ZNF782: variants seen among roughly 807,000 people sequenced by gnomAD.
The protein encoded by ZNF782 is zinc finger protein 782.
ZNF782 carries 12 observed loss-of-function variants against 13.0 expected under a neutral mutation model. The observed-to-expected ratio is 0.92, with a 90% CI of 0.59 to 1.50. ZNF782 has a LOEUF of 1.50. Among genes scored for constraint, ZNF782 ranks in the 40% most tolerant of loss-of-function variants. The probability of loss-of-function intolerance (pLI) is 0.00; values close to 1 mark genes in which losing one functional copy is unlikely to be tolerated. For missense variants in ZNF782, 770 were observed against 822.9 expected (o/e 0.94, Z 0.79); for synonymous variants, 284 against 283.0 (o/e 1.00, Z -0.04).
At chr9:96,880,022 A>G (rs1851943681), upstream of ZNF782, among the ~76,000 whole-genome samples, 2 of 151,968 alleles carry the variant, frequency 1.3e-5, no homozygotes, top group African/African-American at 4.8e-5. Flanking sequence ...ACTATGTTGA[A>G]TAGTAGTGGG....
intron 4 of ZNF782, among the ~76,000 whole-genome samples, chr9:96,831,658 A>G (rs1850804751): frequency 6.6e-6 from 1 of 151,410 alleles, no homozygotes; most frequent in Non-Finnish European, 1.5e-5. Flanking sequence ...GGTTGCAGTG[A>G]GCTGAGATAG....
In ZNF782 at chr9:96,817,830, C is replaced by T; in HGVS notation, c.*93G>A. On this transcript the variant is annotated 3_prime_UTR_variant, in exon 6 of 6. Coordinates refer to ENST00000481138, the MANE Select transcript of ZNF782 (RefSeq NM_001001662.3). The stretch of plus-strand genomic sequence containing the variant: ...ATTGTAGAGGAAATTCCAGTGCTCA[C>T]TATGTTAACAGTTCTCTCCTGTGTG... The T allele has an allele frequency of 8.9e-6, 10 of 1,121,834 alleles. No homozygotes were observed. The highest frequency in any genetic ancestry group is 1.2e-5 in the Non-Finnish European group (10 of 800,272). The allele number at this position is 1,121,834 out of a possible 1,614,324, so 69.5% of individuals were successfully genotyped here.
At chr9:96,922,861 C>T in the ZNF782 span, among the ~76,000 whole-genome samples, 6 of 150,764 alleles carry the variant, frequency 4.0e-5, no homozygotes, top group South Asian at 1.0e-3. Flanking sequence ...CATCTTACTG[C>T]TCACCGGTAG....
the ZNF782 span, among the ~76,000 whole-genome samples, chr9:96,905,721 G>A: frequency 2.0e-5 from 3 of 152,236 alleles, no homozygotes; most frequent in Admixed American, 2.0e-4. Context: ...AAGCAGCTGG[G>A]ACTACAGACA....
the ZNF782 span, among the ~76,000 whole-genome samples, chr9:96,926,316 AT>A: frequency 4.0e-5 from 6 of 150,218 alleles, no homozygotes; most frequent in Non-Finnish European, 8.9e-5. Flanking sequence ...ATTGAAAATC[AT>A]TTAAGTTTTT....
At chr9:96,900,866 GC>G in the ZNF782 span, among the ~76,000 whole-genome samples, 1 of 142,216 alleles carries the variant, frequency 7.0e-6, no homozygotes, top group Non-Finnish European at 1.5e-5. Context: ...AGAAATGGCA[GC>G]CAGGTGTGGT....
At chr9:96,890,142 CAAG>C in the ZNF782 span, 1 of 152,278 alleles carries the variant, frequency 6.6e-6, no homozygotes, top group Non-Finnish European at 1.5e-5. Context: ...CACTTTCCTC[CAAG>C]GAGGATACAG....
At chr9:96,903,050 A>G in the ZNF782 span, 2 of 150,542 alleles carry the variant, frequency 1.3e-5, no homozygotes, top group Non-Finnish European at 2.9e-5. Flanking sequence ...GTGATCCTCC[A>G]GCCTCGGCCT....
At chr9:96,851,199 AT>A (rs1268970930) in intron 3 of ZNF782, among the ~76,000 whole-genome samples, 1 of 152,130 alleles carries the variant, frequency 6.6e-6, no homozygotes, top group Non-Finnish European at 1.5e-5. Context: ...CTAAAAAAAA[AT>A]AAAAAAAGTA....
At chr9:96,835,689 C>T (rs1185757228) in intron 4 of ZNF782, among the ~76,000 whole-genome samples, 1 of 152,086 alleles carries the variant, frequency 6.6e-6, no homozygotes, top group African/African-American at 2.4e-5. Context: ...CCTTGGGGTC[C>T]GTGTAGTGTT....
the ZNF782 span, chr9:96,929,166 G>A: frequency 1.3e-6 from 2 of 1,512,114 alleles, no homozygotes; most frequent in Non-Finnish European, 1.8e-6. Flanking sequence ...ATGTCCCCAA[G>A]GACATCACAC....
the ZNF782 span, among the ~76,000 whole-genome samples, chr9:96,911,930 C>T: frequency 6.6e-6 from 1 of 151,900 alleles, no homozygotes; most frequent in African/African-American, 2.4e-5. Context: ...GCTGGCATGG[C>T]GGCTCACGCC....
the ZNF782 span, among the ~76,000 whole-genome samples, chr9:96,918,318 G>A: frequency 1.4e-5 from 2 of 147,564 alleles, no homozygotes; most frequent in East Asian, 2.1e-4. Flanking sequence ...GCTGAGGGGG[G>A]AGAATTGCTT....
At chr9:96,888,604 C>T in the ZNF782 span, 1 of 152,280 alleles carries the variant, frequency 6.6e-6, no homozygotes, top group South Asian at 2.1e-4. Context: ...TTTGGCAGAC[C>T]TTGATTGGGC....
rs1850229779 is a variant in ZNF782 at position 96,818,018 on chromosome 9, T to C, written c.2005A>G (p.Thr669Ala). ...SNLRVHQRTH[T>A]GEKPYKCDKC... is the part of the protein sequence containing the mutation. ...TCACATTTATAGGGTTTCTCCCCTG[T>C]GTGAGTTCTCTGATGTACTCTGAGA... Residue 669 changes from threonine (T) to alanine (A), a missense_variant, in exon 6 of 6, where the codon ACA (threonine) becomes GCA (alanine). Coordinates refer to ENST00000481138, the MANE Select transcript of ZNF782 (RefSeq NM_001001662.3). 6.2e-7 allele frequency: 1 copy of C among 1,614,020 alleles called. No individual in the cohort carries two copies. Among genetic ancestry groups the C allele is most frequent in the South Asian group, 1.1e-5 (1 of 91,070 alleles).
the ZNF782 span, among the ~76,000 whole-genome samples, chr9:96,911,132 A>G: frequency 3.1e-5 from 4 of 127,714 alleles, no homozygotes; most frequent in Non-Finnish European, 6.4e-5. Context: ...TCAAAGGAGG[A>G]AAAAAAAAAA....
At chr9:96,863,523 C>G (rs1851728366) in intron 1 of ZNF782, among the ~76,000 whole-genome samples, 1 of 151,960 alleles carries the variant, frequency 6.6e-6, no homozygotes, top group Non-Finnish European at 1.5e-5. Context: ...GGGTATCTAC[C>G]CAAAGGAAAA....
the ZNF782 span, chr9:96,909,977 G>A: frequency 1.5e-5 from 7 of 469,818 alleles, 1 homozygote; most frequent in East Asian, 3.6e-4. Context: ...TGCTCGCCGC[G>A]GCTGCCTCCA....
At chr9:96,917,887 CGTGTGTGTGTGTGTGTGTGTGTGTGT>C in the ZNF782 span, among the ~76,000 whole-genome samples, 1 of 121,682 alleles carries the variant, frequency 8.2e-6, no homozygotes, top group African/African-American at 3.6e-5. Context: ...CCACCCTTGG[CGTGTGTGTGTGTGTGTGTGTGTGTGT>C]GTGTGTGTGT....
Sources: allele counts gnomAD v4.1 joint callset (sites outside exome capture counted in the v4.1 genomes callset), GRCh38; gene constraint gnomAD v4.1.1; transcripts MANE v1.5; gene names NCBI Gene and HGNC (gene_info 2026-07-23, HGNC 2026-07-21).